Variants in NR1D2 observed in about 807,000 individuals in gnomAD.
NR1D2 encodes the protein nuclear receptor subfamily 1 group D member 2.
A neutral mutation model predicts 52.2 loss-of-function variants in NR1D2; 25 were observed. That is an observed-to-expected ratio of 0.48 (90% CI 0.35 to 0.67). The LOEUF (loss-of-function observed/expected upper bound fraction) is 0.67. NR1D2 is among the 30% of genes least tolerant of loss of function. NR1D2 has a pLI of 0.01. For synonymous variants in NR1D2, 259 were observed against 230.1 expected (o/e 1.13, Z -1.14); for missense variants, 681 against 707.2 (o/e 0.96, Z 0.42).
At chr3:23,963,328 C>T (rs1406996658) in intron 5 of NR1D2, 2 of 1,340,774 alleles carry the variant, frequency 1.5e-6, no homozygotes, top group Admixed American at 2.0e-5. Flanking sequence ...TTTCTACTGA[C>T]AGGTAATTAA....
At chr3:23,966,607 C>T (rs1575156771) in intron 6 of NR1D2, among the ~76,000 whole-genome samples, 1 of 152,224 alleles carries the variant, frequency 6.6e-6, no homozygotes, top group Admixed American at 6.5e-5. Flanking sequence ...ATTTCTTGCT[C>T]TAATTTTATA....
chr3:23,963,353 T>G lies in NR1D2; in HGVS notation c.1146+748T>G, dbSNP rs916928956. On this transcript the variant is annotated intron_variant, in intron 5 of 7. Transcript: ENST00000312521. ...CAGGTAATTAAAGTCGTCTTTTTCA[T>G]TTTCAAAATAGTTGACTCTACCTCA... is the stretch of plus-strand genomic sequence containing the variant. The G allele has an allele frequency of 1.1e-5, 14 of 1,323,434 alleles. No individual in the cohort carries two copies. The African/African-American group carries it at 1.7e-4, about 16-fold the overall frequency. 82.0% of individuals were successfully genotyped at this position (1,323,434 alleles called of 1,614,324 possible).
intron 7 of NR1D2, among the ~76,000 whole-genome samples, chr3:23,973,424 A>T (rs1482326051): frequency 2.0e-4 from 31 of 152,214 alleles, no homozygotes; most frequent in Admixed American, 2.0e-3. Flanking sequence ...GTAACACAAT[A>T]AGTATTTGTG....
At chr3:23,963,162 A>G (rs1272266768) in intron 5 of NR1D2, 1 of 703,740 alleles carries the variant, frequency 1.4e-6, no homozygotes, top group Non-Finnish European at 2.2e-6. Context: ...AGATGACTTA[A>G]TGTTGGTCAT....
chr3:23,956,122 T>G lies in NR1D2; in HGVS notation c.369T>G (p.Cys123Trp). The G allele has an allele frequency of 6.2e-7, 1 of 1,611,528 alleles. No individual in the cohort carries two copies. The highest frequency in any genetic ancestry group is 8.5e-7 in the Non-Finnish European group (1 of 1,177,702). ...FHYGVHACEGCKGFFRRSIQQ... is the reference protein window; with the variant it reads ...FHYGVHACEGWKGFFRRSIQQ... ...ATGGAGTTCATGCTTGCGAAGGCTG[T>G]AAGGTAAAGCATGCTTTTGTTTCTT... Residue 123 changes from cysteine (C) to tryptophan (W), a missense_variant, in exon 3 of 8, where the codon TGT becomes TGG. Around this residue, in one of 3 missense-constraint regions of NR1D2, gnomAD observed 112 missense variants for 162.3 expected, o/e 0.69. Transcript: ENST00000312521.
chr3:23,956,216 G>T, intron 3 of NR1D2, 91 bp downstream of exon 3: 1 of 950,006 alleles, frequency 1.1e-6, no homozygotes, highest in Non-Finnish European at 1.7e-6. Flanking sequence ...GATAGTCTGA[G>T]AGACAGTGAG....
chr3:23,976,024 T>G (rs1002687104), intron 7 of NR1D2, among the ~76,000 whole-genome samples: 1 of 152,216 alleles, frequency 6.6e-6, no homozygotes, highest in Non-Finnish European at 1.5e-5. Context: ...TGGGGGACCA[T>G]TGAATATTTT....
intron 5 of NR1D2, among the ~76,000 whole-genome samples, chr3:23,962,896 A>G (rs1706322317): frequency 6.6e-6 from 1 of 152,158 alleles, no homozygotes; most frequent in African/African-American, 2.4e-5. Flanking sequence ...ATTCTTGGAA[A>G]TCCCTTTGAA....
At chr3:23,975,123 A>G (rs1706687785) in intron 7 of NR1D2, among the ~76,000 whole-genome samples, 1 of 149,522 alleles carries the variant, frequency 6.7e-6, no homozygotes, top group Non-Finnish European at 1.5e-5. Context: ...CCTGCCCAAC[A>G]TTCTTTTTAT....
At chr3:23,949,913 T>C (rs890769573) in intron 1 of NR1D2, among the ~76,000 whole-genome samples, 1 of 152,208 alleles carries the variant, frequency 6.6e-6, no homozygotes, top group South Asian at 2.1e-4. Context: ...CAGTGCTTCC[T>C]AGCAGTACAA....
rs1392048010 is a variant in NR1D2 at position 23,978,405 on chromosome 3, G to A, written c.*986G>A. 1 of 151,804 alleles carries A rather than the reference G, an allele frequency of 6.6e-6. No individual in the cohort carries two copies. Among genetic ancestry groups the A allele is most frequent in the East Asian group, 1.9e-4 (1 of 5,190 alleles). The allele number at this position is 151,804 out of a possible 1,614,324, so 9.4% of individuals were successfully genotyped here. A position where few individuals can be genotyped will look rare whatever the true frequency, so the allele number is the denominator to read the frequency against. On this transcript the variant is annotated 3_prime_UTR_variant, in exon 8 of 8. Transcript: ENST00000312521. ...TAAAATGTTTAGACAGTAGAATATT[G>A]AATTTATGCTCTATTTTTGTTTATT...
intron 3 of NR1D2, 28 bp from the exon 4 acceptor site, chr3:23,959,643 G>A (rs1706184098): frequency 2.5e-6 from 4 of 1,599,250 alleles, no homozygotes; most frequent in Non-Finnish European, 2.6e-6. Flanking sequence ...GTTTTTAAAT[G>A]GGTAAGTAAA....
At chr3:23,967,729 C>G in intron 6 of NR1D2, 84 bp from the exon 7 acceptor site, 1 of 1,059,550 alleles carries the variant, frequency 9.4e-7, no homozygotes, top group Non-Finnish European at 1.3e-6. Context: ...TGGGATGATT[C>G]ATAACTGACT....
At chr3:23,956,517 A>G (rs1373013848) in intron 3 of NR1D2, among the ~76,000 whole-genome samples, 1 of 152,228 alleles carries the variant, frequency 6.6e-6, no homozygotes, top group Non-Finnish European at 1.5e-5. Context: ...ACTTTGAATT[A>G]GGATCTCATC....
rs2125301151 is a variant in NR1D2 at position 23,977,916 on chromosome 3, T to C, written c.*497T>C. 1 of 152,352 alleles carries C rather than the reference T, an allele frequency of 6.6e-6. No homozygotes were observed. The highest frequency in any genetic ancestry group is 2.4e-5 in the African/African-American group (1 of 41,582). 9.4% of individuals were successfully genotyped at this position (152,352 alleles called of 1,614,324 possible). ...TTTACTCTACCACTGCTAAAGTGTGTGGTCCTGGGTAGTTTACTTGCTTGC... is the reference window on the plus strand; with the variant it reads ...TTTACTCTACCACTGCTAAAGTGTGCGGTCCTGGGTAGTTTACTTGCTTGC... On this transcript the variant is annotated 3_prime_UTR_variant, in exon 8 of 8. Transcript: ENST00000312521.
chr3:23,960,893 G>A (rs1341611165), intron 4 of NR1D2, among the ~76,000 whole-genome samples: 1 of 152,234 alleles, frequency 6.6e-6, no homozygotes, highest in Admixed American at 6.5e-5. Flanking sequence ...CAAGTATACT[G>A]AATTTTTATT....
rs184000561 is a variant in NR1D2, at chr3:23,945,329, G to A, written c.-250G>A. ...CGCGGTGCGCTGGCTGCAGGAAGCCGCCGCGCCGCCGCTTTTGTTGTCAGG... is the reference window on the plus strand; with the variant it reads ...CGCGGTGCGCTGGCTGCAGGAAGCCACCGCGCCGCCGCTTTTGTTGTCAGG... On this transcript the variant is annotated 5_prime_UTR_variant, in exon 1 of 8. Transcript: ENST00000312521. 1,195 of 160,912 alleles carry A rather than the reference G, an allele frequency of 7.4e-3. 14 individuals carry two copies. Among genetic ancestry groups the A allele is most frequent in the African/African-American group, 0.027 (1,122 of 41,616 alleles). 10.0% of individuals were successfully genotyped at this position (160,912 alleles called of 1,614,324 possible).
intron 6 of NR1D2, among the ~76,000 whole-genome samples, chr3:23,967,592 G>A (rs763023650): frequency 6.6e-6 from 1 of 152,018 alleles, no homozygotes; most frequent in Non-Finnish European, 1.5e-5. Flanking sequence ...CTCCAGCTCG[G>A]GCCACAAGAA....
In NR1D2 at chr3:23,954,522, C is replaced by T. The variant is rs72627099; in HGVS notation, c.17-15C>T. 1.9e-6 allele frequency: 3 copies of T among 1,605,240 alleles called. No homozygotes were observed. The highest frequency in any genetic ancestry group is 1.1e-5 in the South Asian group (1 of 90,644). On this transcript the variant is annotated splice_polypyrimidine_tract_variant and intron_variant, in intron 1 of 7. Coordinates refer to ENST00000312521, the MANE Select transcript of NR1D2 (RefSeq NM_005126.5). ...ATCTTGTATCTAATTATGTGATTTT[C>T]CTCCTATTTTCTAGGAGGTGTGATT...
Sources: gnomAD v4.1 joint callset for allele counts (sites outside exome capture counted in the v4.1 genomes callset) on GRCh38, gnomAD v4.1.1 for gene constraint, gnomAD v4.1.1 regional missense constraint, MANE v1.5 for transcripts, NCBI Gene and HGNC (gene_info 2026-07-23, HGNC 2026-07-21) for gene names.